The following SHISA6 variants were observed in gnomAD, a reference collection of about 807,000 sequenced individuals.
The protein encoded by SHISA6 is protein shisa-6.
Under a neutral mutation model 47.9 loss-of-function variants are expected in SHISA6, and 22 were observed. That is an observed-to-expected ratio of 0.46 (90% CI 0.33 to 0.66). SHISA6 has a LOEUF of 0.66. Among genes scored for constraint, SHISA6 ranks in the 30% least tolerant of loss-of-function variants. SHISA6 has a pLI of 0.02. For synonymous variants in SHISA6, 388 were observed against 337.8 expected, an observed-to-expected ratio of 1.15 and a Z score of -1.63; for missense variants, 680 against 764.6, an observed-to-expected ratio of 0.89 and a Z score of 1.30.
chr17:11,357,187 C>A (rs1390245591), intron 2 of SHISA6, among the ~76,000 whole-genome samples: 107 of 90,096 alleles, frequency 1.2e-3, no homozygotes, highest in South Asian at 3.4e-3. Context: ...GACTCCGTCT[C>A]AAAAAAAAAA....
chr17:11,264,161 A>T (rs558480666), intron 2 of SHISA6, among the ~76,000 whole-genome samples: 1 of 152,352 alleles, frequency 6.6e-6, no homozygotes, highest in African/African-American at 2.4e-5. Context: ...AACTTGAACA[A>T]GGTCACTGAG....
At chr17:11,405,065 T>G (rs914805642) in intron 3 of SHISA6, among the ~76,000 whole-genome samples, 3 of 152,122 alleles carry the variant, frequency 2.0e-5, no homozygotes, top group Non-Finnish European at 2.9e-5. Context: ...GTTGCAAATC[T>G]GACTCAGCAA....
chr17:11,547,417 A>T (rs1486813819), intron 3 of SHISA6, among the ~76,000 whole-genome samples: 1 of 152,224 alleles, frequency 6.6e-6, no homozygotes, highest in Non-Finnish European at 1.5e-5. Flanking sequence ...AAAAGTTCAA[A>T]CAAACAAACC....
intron 2 of SHISA6, among the ~76,000 whole-genome samples, chr17:11,304,950 C>T (rs566235904): frequency 1.1e-4 from 16 of 152,242 alleles, no homozygotes; most frequent in African/African-American, 2.6e-4. Flanking sequence ...TTCCTCAGAC[C>T]GCATGTTTCG....
At chr17:11,333,006 C>T (rs1312933458) in intron 2 of SHISA6, among the ~76,000 whole-genome samples, 3 of 152,232 alleles carry the variant, frequency 2.0e-5, no homozygotes, top group East Asian at 3.9e-4. Flanking sequence ...GCAGCGGGGG[C>T]CTCCCTGTGC....
intron 2 of SHISA6, among the ~76,000 whole-genome samples, chr17:11,361,527 T>C (rs1209899510): frequency 1.3e-5 from 2 of 152,068 alleles, no homozygotes; most frequent in Admixed American, 6.6e-5. Context: ...TCCAAGTGAG[T>C]GAAAAGCTGA....
intron 3 of SHISA6, among the ~76,000 whole-genome samples, chr17:11,394,957 G>C (rs899866646): frequency 7.0e-6 from 1 of 143,370 alleles, no homozygotes; most frequent in Non-Finnish European, 1.5e-5. Flanking sequence ...ATATTTGAGA[G>C]TAAATTTCAG....
chr17:11,451,136 C>T (rs1463742778), intron 3 of SHISA6, among the ~76,000 whole-genome samples: 2 of 151,532 alleles, frequency 1.3e-5, no homozygotes, highest in African/African-American at 4.9e-5. Context: ...CACTGTGCTA[C>T]CAGTTCCCCA....
chr17:11,470,852 A>G (rs1915918825), intron 3 of SHISA6, among the ~76,000 whole-genome samples: 1 of 152,124 alleles, frequency 6.6e-6, no homozygotes, highest in Non-Finnish European at 1.5e-5. Flanking sequence ...AGGGGGACTA[A>G]CAAGGGATAA....
At chr17:11,459,914 T>C (rs1429729082) in intron 3 of SHISA6, among the ~76,000 whole-genome samples, 2 of 152,188 alleles carry the variant, frequency 1.3e-5, no homozygotes, top group African/African-American at 2.4e-5. Flanking sequence ...AGCCCACTGA[T>C]AGGAGCGATT....
At chr17:11,471,151 G>A (rs912477035) in intron 3 of SHISA6, among the ~76,000 whole-genome samples, 10 of 149,850 alleles carry the variant, frequency 6.7e-5, no homozygotes, top group African/African-American at 2.5e-5. Flanking sequence ...GGAGGTTGCA[G>A]TGAGCCAAGA....
intron 2 of SHISA6, among the ~76,000 whole-genome samples, chr17:11,264,721 AAC>A (rs1318783223): frequency 7.9e-5 from 12 of 152,330 alleles, no homozygotes; most frequent in African/African-American, 4.8e-5. Context: ...ATCAAATCCA[AAC>A]TATAGCAAAG....
intron 1 of SHISA6, among the ~76,000 whole-genome samples, chr17:11,257,935 T>A (rs1908078760): frequency 6.6e-6 from 1 of 152,200 alleles, no homozygotes. Context: ...TTACTTAGGT[T>A]TTCATCTGTG....
intron 2 of SHISA6, among the ~76,000 whole-genome samples, chr17:11,374,779 TTAAG>T (rs746369425): frequency 1.2e-4 from 19 of 152,096 alleles, no homozygotes; most frequent in Non-Finnish European, 2.4e-4. Context: ...ATAGTAGTAC[TTAAG>T]TAATACTAGT....
intron 2 of SHISA6, among the ~76,000 whole-genome samples, chr17:11,328,840 T>C (rs1406518245): frequency 6.6e-6 from 1 of 152,046 alleles, no homozygotes; most frequent in Non-Finnish European, 1.5e-5. Flanking sequence ...GATGGAGTCA[T>C]CTCTAAGGAG....
At chr17:11,497,709 A>T (rs567193289) in intron 3 of SHISA6, among the ~76,000 whole-genome samples, 1 of 152,174 alleles carries the variant, frequency 6.6e-6, no homozygotes, top group Non-Finnish European at 1.5e-5. Flanking sequence ...CTCACTCCTC[A>T]TAAGATCTTT....
At chr17:11,282,401 CTT>C (rs35015959) in intron 2 of SHISA6, among the ~76,000 whole-genome samples, 118 of 148,548 alleles carry the variant, frequency 7.9e-4, no homozygotes, top group Middle Eastern at 3.5e-3. Flanking sequence ...GGTATTTCTT[CTT>C]TTTTTTTTTT....
chr17:11,241,915 A>G lies in SHISA6; in HGVS notation c.493A>G (p.Asn165Asp), dbSNP rs1311165783. The change falls in exon 1 of 6, where the codon AAC becomes GAC. Residue 165 changes from asparagine (N) to aspartate (D), a missense_variant. Coordinates refer to ENST00000441885, the MANE Select transcript of SHISA6 (RefSeq NM_207386.4). This position sits in a 1 kb window ranked among gnomAD's most constrained non-coding sequence, Gnocchi z 5.5. ...STKVVSPGPENKYDPEKDKTN... is the reference protein window; with the variant it reads ...STKVVSPGPEDKYDPEKDKTN... The stretch of plus-strand genomic sequence containing the variant: ...CAAGGTGGTGTCGCCGGGGCCCGAG[A>G]ACAAGTACGACCCGGAGAAGGACAA... 12 of 1,551,012 alleles carry G rather than the reference A, an allele frequency of 7.7e-6. No homozygotes were observed. The East Asian group carries it at 2.4e-4, about 32-fold the overall frequency.
chr17:11,342,583 C>T (rs146723723), intron 2 of SHISA6, among the ~76,000 whole-genome samples: 114 of 152,304 alleles, frequency 7.5e-4, no homozygotes, highest in African/African-American at 2.4e-3. Flanking sequence ...AGTTTTTAAA[C>T]CTCATTTCCC....
Sources: allele counts gnomAD v4.1 joint callset (sites outside exome capture counted in the v4.1 genomes callset), GRCh38; gene constraint gnomAD v4.1.1; non-coding constraint Gnocchi (gnomAD v3.1); transcripts MANE v1.5; gene names NCBI Gene and HGNC (gene_info 2026-07-23, HGNC 2026-07-21).